Variants in DDHD1 observed in about 807,000 individuals in gnomAD.
DDHD1 encodes DDHD domain containing 1, also known as phospholipase DDHD1.
DDHD1 carries 49 observed loss-of-function variants against 96.4 expected under a neutral mutation model. The ratio of observed to expected loss-of-function variants is 0.51; its 90% CI spans 0.40 to 0.64. The LOEUF (loss-of-function observed/expected upper bound fraction) is 0.64. Ranked by LOEUF, DDHD1 falls within the 30% of genes least tolerant of loss-of-function variation. The pLI, the probability that DDHD1 is intolerant of heterozygous loss-of-function variation, is 0.00. For synonymous variants in DDHD1, 442 were observed against 446.5 expected (o/e 0.99, Z 0.13); for missense variants, 1,106 against 1,161.2 (o/e 0.95, Z 0.69).
In DDHD1 at chr14:53,130,677, C is replaced by T. The variant is rs141211810; in HGVS notation, c.838+21584G>A. On this transcript the variant is annotated intron_variant, in intron 1 of 12. Transcript: ENST00000673822. ...TCCCCCAGGATCTTGCTTCAAGTGC[C>T]GAAAATGTGGCCACTGGGCCAAGGA... is the stretch of plus-strand genomic sequence containing the variant. Among the ~76,000 whole-genome samples, 678 of 152,284 alleles carry T rather than the reference C, an allele frequency of 4.5e-3. 5 individuals are homozygous for T. Among genetic ancestry groups the T allele is most frequent in the African/African-American group, 0.016 (657 of 41,542 alleles).
Position 53,152,427 on chromosome 14 carries a change from A to T in DDHD1, c.672T>A (p.Ser224Arg), listed in dbSNP as rs960216644. 1.9e-6 allele frequency: 3 copies of T among 1,613,628 alleles called. No individual in the cohort carries two copies. The highest frequency in any genetic ancestry group is 2.5e-6 in the Non-Finnish European group (3 of 1,179,934). Residue 224 changes from serine to arginine, a missense_variant, in exon 1 of 13, where the codon AGT (serine) becomes AGA (arginine). By Grantham distance (110) the Ser-to-Arg change is moderately radical (BLOSUM62 -1). Coordinates refer to ENST00000673822, the MANE Select transcript of DDHD1 (RefSeq NM_001160148.2). ...HVCSPTGPAS[S>R]SGEDDDEDRA... is the part of the protein sequence containing the mutation. Reference sequence around the variant, plus strand: ...GGTCCTCATCGTCATCTTCTCCGGAACTGGAGGCTGGGCCCGTGGGGGAGC... The same window carrying T: ...GGTCCTCATCGTCATCTTCTCCGGATCTGGAGGCTGGGCCCGTGGGGGAGC...
intron 6 of DDHD1, among the ~76,000 whole-genome samples, chr14:53,071,458 T>C (rs1432190853): frequency 2.0e-5 from 3 of 152,116 alleles, no homozygotes; most frequent in Admixed American, 6.6e-5. Flanking sequence ...TTAAACTTTT[T>C]TGAAGGCACA....
At chr14:53,147,708 AG>A (rs1891093155) in intron 1 of DDHD1, among the ~76,000 whole-genome samples, 1 of 152,208 alleles carries the variant, frequency 6.6e-6, no homozygotes, top group Non-Finnish European at 1.5e-5. Context: ...CCGAGCAGTC[AG>A]GGTTCCAATG....
chr14:53,137,724 G>C (rs930718160), intron 1 of DDHD1, among the ~76,000 whole-genome samples: 1 of 152,208 alleles, frequency 6.6e-6, no homozygotes, highest in Non-Finnish European at 1.5e-5. Context: ...CAAGATAAGG[G>C]GTAGGATGAA....
chr14:53,079,614 C>T (rs1383069858), intron 4 of DDHD1, among the ~76,000 whole-genome samples: 1 of 152,076 alleles, frequency 6.6e-6, no homozygotes, highest in Non-Finnish European at 1.5e-5. Flanking sequence ...AGTAATGTCT[C>T]CTCCTTTATT....
intron 6 of DDHD1, among the ~76,000 whole-genome samples, chr14:53,066,292 C>T (rs1238956018): frequency 1.3e-5 from 2 of 152,110 alleles, no homozygotes; most frequent in African/African-American, 4.8e-5. Context: ...GCTGGGATTA[C>T]AGGTGTGCAC....
intron 2 of DDHD1, among the ~76,000 whole-genome samples, chr14:53,100,973 C>A (rs1887252215): frequency 6.6e-6 from 1 of 152,152 alleles, no homozygotes; most frequent in Non-Finnish European, 1.5e-5. Flanking sequence ...TCTACTCTAA[C>A]AGGCTTAAAA....
Position 53,038,762 on chromosome 14 carries a change from G to A in DDHD1, c.*8006C>T, listed in dbSNP as rs183965416. 34 of 152,310 alleles carry A rather than the reference G, an allele frequency of 2.2e-4. No individual in the cohort carries two copies. The highest frequency in any genetic ancestry group is 7.9e-4 in the African/African-American group (33 of 41,568). The allele number at this position is 152,310 out of a possible 1,614,324, so 9.4% of individuals were successfully genotyped here. A position where few individuals can be genotyped will look rare whatever the true frequency, so the allele number is the denominator to read the frequency against. ...ACCCAAAGCAGAAAGAACAAAGCCA[G>A]CAGCATCACACAGATGTGGCTTCAA... On this transcript the variant is annotated 3_prime_UTR_variant, in exon 13 of 13. Coordinates refer to ENST00000673822, the MANE Select transcript of DDHD1 (RefSeq NM_001160148.2).
At chr14:53,071,431 C>T (rs1014356336) in intron 6 of DDHD1, among the ~76,000 whole-genome samples, 5 of 151,962 alleles carry the variant, frequency 3.3e-5, no homozygotes, top group African/African-American at 1.2e-4. Flanking sequence ...AAATGTGGCC[C>T]TATGTACTGT....
chr14:53,103,111 C>G, intron 2 of DDHD1: 1 of 1,510,856 alleles, frequency 6.6e-7, no homozygotes, highest in Admixed American at 2.0e-5. Flanking sequence ...GAAGTTTACT[C>G]AAGATTTAGA....
chr14:53,137,366 T>C (rs940882005), intron 1 of DDHD1, among the ~76,000 whole-genome samples: 1 of 151,916 alleles, frequency 6.6e-6, no homozygotes, highest in Non-Finnish European at 1.5e-5. Context: ...CTGAGGCAGG[T>C]GGATCACTTG....
At position 53,121,707 on chromosome 14, in the gene DDHD1, A is replaced by C. The variant is rs991802049; in HGVS notation, c.839-17851T>G. Among the ~76,000 whole-genome samples the C allele has an allele frequency of 3.3e-5, 5 of 152,144 alleles. No homozygotes were observed. In the East Asian group the frequency reaches 5.8e-4, roughly 18 times the overall value. On this transcript the variant is annotated intron_variant, in intron 1 of 12. Transcript: ENST00000673822. ...ACCAAATACCCCATGTTCTCAGTCA[A>C]AAGTGGGAGCTGAACAATGAGAACA...
intron 8 of DDHD1, among the ~76,000 whole-genome samples, chr14:53,059,056 A>C (rs1346770199): frequency 6.6e-6 from 1 of 152,168 alleles, no homozygotes; most frequent in Non-Finnish European, 1.5e-5. Flanking sequence ...ATGCTTTAAG[A>C]GAGTGAAAAA....
intron 2 of DDHD1, among the ~76,000 whole-genome samples, chr14:53,094,352 G>T (rs1886693913): frequency 6.6e-6 from 1 of 152,154 alleles, no homozygotes; most frequent in East Asian, 1.9e-4. Context: ...ATCCAAAATT[G>T]AAAGATATTT....
At chr14:53,130,435 G>T (rs1889781749) in intron 1 of DDHD1, among the ~76,000 whole-genome samples, 1 of 152,092 alleles carries the variant, frequency 6.6e-6, no homozygotes, top group Non-Finnish European at 1.5e-5. Context: ...GACCCAGAGG[G>T]GCCAGAAGTC....
intron 1 of DDHD1, among the ~76,000 whole-genome samples, chr14:53,138,837 T>C (rs916654679): frequency 1.3e-5 from 2 of 152,108 alleles, no homozygotes; most frequent in African/African-American, 4.8e-5. Flanking sequence ...TCCACAGATA[T>C]TACCAGGAAC....
At chr14:53,105,718 T>C (rs114890982) in intron 1 of DDHD1, among the ~76,000 whole-genome samples, 1,940 of 152,302 alleles carry the variant, frequency 0.013, 48 homozygotes, top group African/African-American at 0.045. Flanking sequence ...TGGGTTTTGC[T>C]TTATAAAGCC....
rs186764477 is a variant in DDHD1 at position 53,068,882 on chromosome 14, T to A, written c.1503+3715A>T. The stretch of plus-strand genomic sequence containing the variant: ...ATCCATCGATGATTTGTGTCCAGTC[T>A]TCTCTTACCTAATCCTACCATGATA... On this transcript the variant is annotated intron_variant, in intron 6 of 12. Transcript: ENST00000673822. Among the ~76,000 whole-genome samples, 9 of 152,342 alleles carry A rather than the reference T, an allele frequency of 5.9e-5. No individual in the cohort carries two copies. In the East Asian group the frequency reaches 1.5e-3, roughly 26 times the overall value.
intron 1 of DDHD1, among the ~76,000 whole-genome samples, chr14:53,147,590 T>C (rs1020328379): frequency 2.0e-5 from 3 of 152,120 alleles, no homozygotes; most frequent in Non-Finnish European, 4.4e-5. Context: ...TCCATTCACA[T>C]CCTTTTTCTG....
Sources: allele counts gnomAD v4.1 joint callset (sites outside exome capture counted in the v4.1 genomes callset), GRCh38; gene constraint gnomAD v4.1.1; transcripts MANE v1.5; gene names NCBI Gene and HGNC (gene_info 2026-07-23, HGNC 2026-07-21).